QSOX1: variants seen among roughly 807,000 people sequenced by gnomAD.
QSOX1 encodes quiescin sulfhydryl oxidase 1, also known as sulfhydryl oxidase 1.
A neutral mutation model predicts 76.1 loss-of-function variants in QSOX1; 40 were observed. That is an observed-to-expected ratio of 0.53 (90% CI 0.41 to 0.68). The LOEUF (loss-of-function observed/expected upper bound fraction) is 0.68, where lower values mean the gene tolerates loss of function less well. QSOX1 is among the 30% of genes least tolerant of loss of function. The pLI is 0.00. For missense variants in QSOX1, 931 were observed against 974.3 expected (o/e 0.96, Z 0.59); for synonymous variants, 392 against 413.1 (o/e 0.95, Z 0.62).
intron 1 of QSOX1, among the ~76,000 whole-genome samples, chr1:180,157,431 G>T (rs73038403): frequency 6.6e-6 from 1 of 152,338 alleles, no homozygotes; most frequent in East Asian, 1.9e-4. Context: ...GTTGGTTGTG[G>T]GCCCGCAGAG....
chr1:180,186,015 A>G (rs746423363), intron 7 of QSOX1, 38 bp from the exon 8 acceptor site: 4 of 1,609,994 alleles, frequency 2.5e-6, no homozygotes, highest in Non-Finnish European at 3.4e-6. Context: ...ACCATGGTTA[A>G]TACTTCTTTC....
chr1:180,173,619 T>G (rs889142561), intron 2 of QSOX1, among the ~76,000 whole-genome samples: 3 of 152,176 alleles, frequency 2.0e-5, no homozygotes, highest in African/African-American at 7.2e-5. Context: ...GACAGGTGGC[T>G]TCTCTGCAGC....
chr1:180,169,992 G>A (rs982227867), intron 2 of QSOX1, among the ~76,000 whole-genome samples: 2 of 152,212 alleles, frequency 1.3e-5, no homozygotes, highest in Non-Finnish European at 2.9e-5. Flanking sequence ...GGGCCTTATA[G>A]GCAGGCGAGA....
Position 180,178,876 on chromosome 1 carries a change from G to A in QSOX1, c.598G>A (p.Gly200Ser). 6.2e-7 allele frequency: 1 copy of A among 1,613,464 alleles called. No homozygotes were observed. The highest frequency in any genetic ancestry group is 1.1e-5 in the South Asian group (1 of 91,080). ...CTTTGAAAAGGGAGGCTCCTACCTG[G>A]GTAGAGAGGTGAGCTGCCCTGAAGT... Reference protein sequence around the residue: ...LIFEKGGSYLGREVALDLSQH... With the variant: ...LIFEKGGSYLSREVALDLSQH... Residue 200 changes from glycine to serine, a missense_variant, in exon 5 of 12, where the codon GGT becomes AGT. Coordinates refer to ENST00000367602, the MANE Select transcript of QSOX1 (RefSeq NM_002826.5).
Position 180,186,033 on chromosome 1 carries a change from A to C in QSOX1, c.888-20A>C, listed in dbSNP as rs375873436. The stretch of plus-strand genomic sequence containing the variant: ...ATGGTTAATACTTCTTTCTCTCTCT[A>C]TCTCCCTCTGGGTCCTCAGCTCCAA... On this transcript the variant is annotated intron_variant, in intron 7 of 11. Coordinates refer to ENST00000367602, the MANE Select transcript of QSOX1 (RefSeq NM_002826.5). 3.1e-6 allele frequency: 5 copies of C among 1,612,218 alleles called. No individual in the cohort carries two copies. In the South Asian group the frequency reaches 3.3e-5, roughly 11 times the overall value.
At position 180,190,583 on chromosome 1, in the gene QSOX1, A is replaced by G. The variant is rs1663284141; in HGVS notation, c.1288+3A>G. The G allele has an allele frequency of 6.2e-7, 1 of 1,612,642 alleles. No homozygotes were observed. The highest frequency in any genetic ancestry group is 8.5e-7 in the Non-Finnish European group (1 of 1,179,058). On this transcript the variant is annotated splice_donor_region_variant and intron_variant, in intron 10 of 11. Transcript: ENST00000367602. ...TGTAGACCACTCACAGGAAGCAGGT[A>G]CGTCCAGGACCCGTTCACCCCACTG...
At chr1:180,157,839 G>T (rs1662407548) in intron 1 of QSOX1, among the ~76,000 whole-genome samples, 1 of 152,180 alleles carries the variant, frequency 6.6e-6, no homozygotes, top group Non-Finnish European at 1.5e-5. Flanking sequence ...ATTGCAGTTG[G>T]GGAAATGAGC....
At chr1:180,182,475 G>A (rs1196193806) in intron 6 of QSOX1, among the ~76,000 whole-genome samples, 156 bp downstream of exon 6, 1 of 152,150 alleles carries the variant, frequency 6.6e-6, no homozygotes, top group African/African-American at 2.4e-5. Flanking sequence ...CGGGGCCAGC[G>A]CCTCCACCGT....
intron 7 of QSOX1, among the ~76,000 whole-genome samples, chr1:180,185,065 CTG>C (rs144808046): frequency 2.2e-4 from 33 of 152,280 alleles, no homozygotes; most frequent in Non-Finnish European, 4.6e-4. Flanking sequence ...GGGGCCACTT[CTG>C]GAGGCAGGGC....
intron 8 of QSOX1, among the ~76,000 whole-genome samples, chr1:180,187,200 G>A (rs1194107227): frequency 3.9e-5 from 6 of 152,214 alleles, no homozygotes; most frequent in African/African-American, 1.4e-4. Context: ...TGAATGCGTG[G>A]TGACACTGAG....
At chr1:180,169,685 T>C (rs1662718714) in intron 2 of QSOX1, among the ~76,000 whole-genome samples, 1 of 152,268 alleles carries the variant, frequency 6.6e-6, no homozygotes, top group Non-Finnish European at 1.5e-5. Context: ...TGGTAGCTGG[T>C]GTGTGGCTGC....
chr1:180,180,737 G>T (rs374426570), intron 5 of QSOX1, among the ~76,000 whole-genome samples: 1 of 152,104 alleles, frequency 6.6e-6, no homozygotes, highest in East Asian at 1.9e-4. Context: ...GGATGGTCTT[G>T]ATCTCCTGAC....
In QSOX1 at chr1:180,167,571, A is replaced by C. The variant is rs3753810; in HGVS notation, c.366+980A>C. On this transcript the variant is annotated intron_variant, in intron 2 of 11. Transcript: ENST00000367602. ...GGCCGTGGCTCCACCAGGAACATCCAGCTCTAACTCCATGTGACCTTTCTG... is the reference window on the plus strand; with the variant it reads ...GGCCGTGGCTCCACCAGGAACATCCCGCTCTAACTCCATGTGACCTTTCTG... 0.023 allele frequency among the ~76,000 whole-genome samples: 3,439 copies of C among 152,276 alleles called. 188 individuals are homozygous for C. In the East Asian group the frequency reaches 0.23, roughly 10 times the overall value.
intron 7 of QSOX1, among the ~76,000 whole-genome samples, chr1:180,184,892 G>A (rs1245889008): frequency 6.6e-6 from 1 of 152,186 alleles, no homozygotes; most frequent in East Asian, 1.9e-4. Context: ...GAGAGAGTGA[G>A]GGGTGGTGTA....
intron 1 of QSOX1, among the ~76,000 whole-genome samples, chr1:180,158,915 A>G (rs1382616867): frequency 6.6e-6 from 1 of 152,216 alleles, no homozygotes; most frequent in Non-Finnish European, 1.5e-5. Flanking sequence ...TCGCTGATCC[A>G]GGAGGAAGCA....
chr1:180,164,515 C>A (rs1250942416), intron 1 of QSOX1, among the ~76,000 whole-genome samples: 5 of 152,194 alleles, frequency 3.3e-5, no homozygotes, highest in African/African-American at 1.2e-4. Flanking sequence ...GTGGTGTGGC[C>A]ACAGGCCTTC....
chr1:180,170,582 C>G (rs1018731040), intron 2 of QSOX1, among the ~76,000 whole-genome samples: 1 of 152,114 alleles, frequency 6.6e-6, no homozygotes, highest in South Asian at 2.1e-4. Flanking sequence ...CTTCCAGTAG[C>G]TCCTGTGTAA....
At chr1:180,174,774 T>C (rs1419911628) in intron 2 of QSOX1, among the ~76,000 whole-genome samples, 1 of 152,090 alleles carries the variant, frequency 6.6e-6, no homozygotes, top group Non-Finnish European at 1.5e-5. Flanking sequence ...CATGGATGCT[T>C]CTGAGGGGTG....
At chr1:180,158,659 G>A (rs1345828426) in intron 1 of QSOX1, among the ~76,000 whole-genome samples, 1 of 152,154 alleles carries the variant, frequency 6.6e-6, no homozygotes, top group African/African-American at 2.4e-5. Flanking sequence ...AACTCTCTGT[G>A]TCAGGAGAGC....
Sources: allele counts gnomAD v4.1 joint callset (sites outside exome capture counted in the v4.1 genomes callset), GRCh38; gene constraint gnomAD v4.1.1; transcripts MANE v1.5; gene names NCBI Gene and HGNC (gene_info 2026-07-23, HGNC 2026-07-21).